COL14A1: variants seen among roughly 807,000 people sequenced by gnomAD.
COL14A1 encodes collagen alpha-1(XIV) chain.
A neutral mutation model predicts 230.3 loss-of-function variants in COL14A1; 136 were observed. That is an observed-to-expected ratio of 0.59 (90% CI 0.51 to 0.68). The LOEUF (loss-of-function observed/expected upper bound fraction) is 0.68, where lower values mean the gene tolerates loss of function less well. Ranked by LOEUF, COL14A1 falls within the 30% of genes least tolerant of loss-of-function variation. The pLI is 0.00. For missense variants in COL14A1, 1,976 were observed against 2,215.8 expected (o/e 0.89, Z 2.17); for synonymous variants, 792 against 784.1 (o/e 1.01, Z -0.17).
chr8:120,136,376 C>T (rs1814707388), intron 1 of COL14A1, among the ~76,000 whole-genome samples: 1 of 71,626 alleles, frequency 1.4e-5, no homozygotes, highest in Non-Finnish European at 2.5e-5. Context: ...CGCACACACA[C>T]ACACACTACA....
At chr8:120,283,428 T>A (rs770116440) in intron 31 of COL14A1, among the ~76,000 whole-genome samples, 3 of 152,184 alleles carry the variant, frequency 2.0e-5, no homozygotes, top group Non-Finnish European at 2.9e-5. Flanking sequence ...GACTATTAAA[T>A]GGTGCTAAGA....
intron 26 of COL14A1, among the ~76,000 whole-genome samples, chr8:120,270,461 A>G (rs1586820023): frequency 6.6e-6 from 1 of 151,750 alleles, no homozygotes; most frequent in African/African-American, 2.4e-5. Flanking sequence ...TCCTTTAATG[A>G]TACATACAAT....
intron 14 of COL14A1, among the ~76,000 whole-genome samples, chr8:120,222,572 C>T (rs1049716870): frequency 6.6e-5 from 10 of 152,174 alleles, no homozygotes; most frequent in African/African-American, 1.9e-4. Context: ...TGGCTCAGTA[C>T]AGCACAATGG....
chr8:120,246,018 T>C (rs1363849116), intron 20 of COL14A1, among the ~76,000 whole-genome samples: 1 of 152,208 alleles, frequency 6.6e-6, no homozygotes, highest in Non-Finnish European at 1.5e-5. Flanking sequence ...ACCATCTTTA[T>C]CCATCATAAT....
At chr8:120,329,314 A>G (rs1329318208) in intron 40 of COL14A1, among the ~76,000 whole-genome samples, 2 of 152,044 alleles carry the variant, frequency 1.3e-5, no homozygotes, top group East Asian at 3.9e-4. Context: ...ACTCCATTTA[A>G]CATAATTTAT....
chr8:120,182,355 C>T (rs1244336110), intron 5 of COL14A1, among the ~76,000 whole-genome samples: 3 of 152,120 alleles, frequency 2.0e-5, no homozygotes, highest in African/African-American at 7.2e-5. Flanking sequence ...AGTATCTTGT[C>T]TCCATACCTG....
chr8:120,334,713 T>A (rs981375939), intron 42 of COL14A1, among the ~76,000 whole-genome samples: 1 of 152,106 alleles, frequency 6.6e-6, no homozygotes, highest in Non-Finnish European at 1.5e-5. Context: ...TGTCTGGTAT[T>A]TGGCTTCAGC....
At chr8:120,335,798 C>T (rs1305521144) in intron 42 of COL14A1, among the ~76,000 whole-genome samples, 2 of 152,206 alleles carry the variant, frequency 1.3e-5, no homozygotes, top group Admixed American at 6.5e-5. Flanking sequence ...GGCTTAGGTA[C>T]GGTTCCTCCA....
chr8:120,167,906 T>A (rs78570360), intron 4 of COL14A1, among the ~76,000 whole-genome samples: 4,336 of 152,320 alleles, frequency 0.028, 101 homozygotes, highest in Non-Finnish European at 0.044. Context: ...TTATGAAGGA[T>A]TAAATATATG....
intron 5 of COL14A1, among the ~76,000 whole-genome samples, chr8:120,173,666 C>T (rs1489219695): frequency 6.6e-6 from 1 of 151,548 alleles, no homozygotes; most frequent in Middle Eastern, 3.2e-3. Flanking sequence ...ATCTATCTAT[C>T]TATCTATCTA....
intron 36 of COL14A1, among the ~76,000 whole-genome samples, chr8:120,306,851 A>C (rs1016744301): frequency 4.6e-5 from 7 of 152,240 alleles, no homozygotes; most frequent in African/African-American, 1.7e-4. Flanking sequence ...ATTTGAATAT[A>C]TATTTGAATA....
At chr8:120,234,874 T>A (rs762319862) in intron 19 of COL14A1, among the ~76,000 whole-genome samples, 3 of 152,168 alleles carry the variant, frequency 2.0e-5, no homozygotes, top group Admixed American at 6.5e-5. Flanking sequence ...CTTCGAATAG[T>A]TTTAGAAGGA....
chr8:120,128,596 G>A (rs374338917), intron 1 of COL14A1, among the ~76,000 whole-genome samples: 2 of 152,110 alleles, frequency 1.3e-5, no homozygotes, highest in Admixed American at 6.6e-5. Context: ...TTAGCTGGGC[G>A]TGGTGGTGGG....
chr8:120,245,294 C>T (rs767773978), intron 20 of COL14A1, among the ~76,000 whole-genome samples: 45 of 152,258 alleles, frequency 3.0e-4, no homozygotes, highest in Middle Eastern at 6.8e-3. Context: ...CTTTCTGTCT[C>T]CCATCCCTGG....
Position 120,228,692 on chromosome 8 carries a change from G to T in COL14A1, c.2138-18G>T. The T allele has an allele frequency of 6.2e-7, 1 of 1,605,250 alleles. No homozygotes were observed. The highest frequency in any genetic ancestry group is 8.5e-7 in the Non-Finnish European group (1 of 1,172,312). Reference sequence around the variant, plus strand: ...ACAGTTGTTTTTGCAGCATTTTAAAGTAATATATTGCTTTTAGTTGACAGT... The same window carrying T: ...ACAGTTGTTTTTGCAGCATTTTAAATTAATATATTGCTTTTAGTTGACAGT... On this transcript the variant is annotated intron_variant, in intron 17 of 47. Transcript: ENST00000297848.
chr8:120,289,855 A>G, intron 34 of COL14A1, 89 bp downstream of exon 34: 1 of 1,365,292 alleles, frequency 7.3e-7, no homozygotes. Flanking sequence ...GGAAAGGTTT[A>G]ACAAAAAGAT....
intron 4 of COL14A1, among the ~76,000 whole-genome samples, chr8:120,164,537 A>G (rs1259324453): frequency 6.6e-6 from 1 of 152,172 alleles, no homozygotes; most frequent in African/African-American, 2.4e-5. Context: ...CACCAACCCA[A>G]TATTTTGTGA....
At chr8:120,175,872 T>A (rs1816265533) in intron 5 of COL14A1, among the ~76,000 whole-genome samples, 1 of 152,210 alleles carries the variant, frequency 6.6e-6, no homozygotes, top group African/African-American at 2.4e-5. Flanking sequence ...TGCTATTTCA[T>A]AATTGCATAG....
Position 120,270,084 on chromosome 8 carries a change from G to A in COL14A1, c.3123G>A (p.Trp1041Ter), listed in dbSNP as rs754773022. 3 of 1,611,444 alleles carry A rather than the reference G, an allele frequency of 1.9e-6. No homozygotes were observed. The highest frequency in any genetic ancestry group is 2.5e-6 in the Non-Finnish European group (3 of 1,178,424). Residue 1041 changes from tryptophan to a stop codon, truncating the protein, a stop_gained, in exon 26 of 48, where the codon TGG (tryptophan) becomes TGA (stop). Coordinates refer to ENST00000297848, the MANE Select transcript of COL14A1 (RefSeq NM_021110.4). LOFTEE classifies it high-confidence loss of function. ...ADLVFMVDGS[W>*]SIGDENFNKI... Reference sequence around the variant, plus strand: ...TGGTATTTATGGTGGATGGATCCTGGAGCATTGGAGATGAAAATTTCAATA... The same window carrying A: ...TGGTATTTATGGTGGATGGATCCTGAAGCATTGGAGATGAAAATTTCAATA...
Sources: allele counts gnomAD v4.1 joint callset (sites outside exome capture counted in the v4.1 genomes callset), GRCh38; gene constraint gnomAD v4.1.1; transcripts MANE v1.5; gene names NCBI Gene and HGNC (gene_info 2026-07-23, HGNC 2026-07-21).